USP37: variants seen among roughly 807,000 people sequenced by gnomAD.
The protein encoded by USP37 is ubiquitin carboxyl-terminal hydrolase 37.
USP37 carries 27 observed loss-of-function variants against 124.0 expected under a neutral mutation model. The observed-to-expected ratio is 0.22, with a 90% CI of 0.16 to 0.30. USP37 has a LOEUF of 0.30. Ranked by LOEUF, USP37 falls within the 10% of genes least tolerant of loss-of-function variation. The pLI, the probability that USP37 is intolerant of heterozygous loss-of-function variation, is 1.00. For missense variants in USP37, 889 were observed against 1,140.4 expected, an observed-to-expected ratio of 0.78 and a Z score of 3.17; for synonymous variants, 365 against 388.0, an observed-to-expected ratio of 0.94 and a Z score of 0.70.
intron 20 of USP37, among the ~76,000 whole-genome samples, chr2:218,472,464 C>T (rs1690746139): frequency 6.6e-6 from 1 of 151,740 alleles, no homozygotes; most frequent in South Asian, 2.1e-4. Context: ...CTGAATCTCT[C>T]TCTCTTTTTT....
intron 4 of USP37, among the ~76,000 whole-genome samples, chr2:218,557,555 C>T (rs983849888): frequency 6.6e-6 from 1 of 151,242 alleles, no homozygotes; most frequent in Non-Finnish European, 1.5e-5. Flanking sequence ...AGATCAGGTT[C>T]TGAAGCATAA....
chr2:218,557,290 A>G (rs192743809), intron 4 of USP37, among the ~76,000 whole-genome samples: 74 of 152,314 alleles, frequency 4.9e-4, no homozygotes, highest in Non-Finnish European at 8.4e-4. Flanking sequence ...TCATGCTCCT[A>G]AAGATCTGTA....
At chr2:218,497,929 A>G (rs1042552171) in intron 12 of USP37, 72 bp from the exon 13 acceptor site, 2 of 1,576,448 alleles carry the variant, frequency 1.3e-6, no homozygotes, top group East Asian at 4.5e-5. Flanking sequence ...AATAATTACT[A>G]ATAATGGCAC....
chr2:218,513,239 C>A (rs962128780), intron 10 of USP37, among the ~76,000 whole-genome samples: 8 of 151,970 alleles, frequency 5.3e-5, no homozygotes, highest in African/African-American at 1.9e-4. Flanking sequence ...GCTATGTTGA[C>A]CAGTTGGTCT....
intron 8 of USP37, among the ~76,000 whole-genome samples, chr2:218,537,583 T>A (rs578242843): frequency 6.6e-6 from 1 of 152,336 alleles, no homozygotes; most frequent in African/African-American, 2.4e-5. Flanking sequence ...CAAAAATGAA[T>A]AGTTACTATT....
intron 14 of USP37, among the ~76,000 whole-genome samples, chr2:218,491,694 A>G (rs1041952083): frequency 3.9e-5 from 6 of 152,226 alleles, no homozygotes; most frequent in African/African-American, 1.4e-4. Context: ...ACCTCCTCTC[A>G]TGAAGCCATC....
chr2:218,527,205 C>G (rs1319489407), intron 10 of USP37, among the ~76,000 whole-genome samples: 2 of 152,164 alleles, frequency 1.3e-5, no homozygotes, highest in Admixed American at 1.3e-4. Flanking sequence ...GGTCATAATT[C>G]TGGCCCCATG....
chr2:218,564,651 TGG>T (rs906641096), intron 1 of USP37, among the ~76,000 whole-genome samples: 1 of 151,882 alleles, frequency 6.6e-6, no homozygotes, highest in African/African-American at 2.4e-5. Context: ...AAGGTGGGAG[TGG>T]GGGGTAGAGG....
chr2:218,529,939 A>AT lies in USP37; in HGVS notation c.863+16dup. The AT allele has an allele frequency of 1.9e-6, 3 of 1,581,544 alleles. No individual in the cohort carries two copies. Among genetic ancestry groups the AT allele is most frequent in the Non-Finnish European group, 2.6e-6 (3 of 1,167,290 alleles). ...AGAACTCCTAAGTTTTTCACAAGTA[A>AT]TATAACCAATGCATACCTGTCTAAG... On this transcript the variant is annotated intron_variant, in intron 10 of 25. Coordinates refer to ENST00000258399, the MANE Select transcript of USP37 (RefSeq NM_020935.3).
intron 11 of USP37, among the ~76,000 whole-genome samples, chr2:218,502,854 A>C (rs1277742741): frequency 6.6e-6 from 1 of 152,206 alleles, no homozygotes; most frequent in African/African-American, 2.4e-5. Context: ...ACTATTTTTC[A>C]AATATCCAAG....
At chr2:218,482,638 C>G (rs1411743890) in intron 16 of USP37, among the ~76,000 whole-genome samples, 1 of 152,124 alleles carries the variant, frequency 6.6e-6, no homozygotes, top group Non-Finnish European at 1.5e-5. Flanking sequence ...TGTTACATAG[C>G]TCTTATATTT....
intron 10 of USP37, among the ~76,000 whole-genome samples, chr2:218,514,775 T>C (rs1357121898): frequency 1.3e-5 from 2 of 152,258 alleles, no homozygotes; most frequent in African/African-American, 4.8e-5. Flanking sequence ...ATTAAGGTAA[T>C]ATTTTATTCC....
At position 218,453,155 on chromosome 2, in the gene USP37, A is replaced by C. The variant is rs533511216; in HGVS notation, c.*1775T>G. ...ATGAAAACTTAGAATAGTTTACTAC[A>C]TTAGAATACATCCAAGTTCCAAGAG... is the stretch of plus-strand genomic sequence containing the variant. On this transcript the variant is annotated 3_prime_UTR_variant, in exon 26 of 26. Transcript: ENST00000258399. The C allele has an allele frequency of 5.9e-5, 9 of 152,204 alleles. No homozygotes were observed. Among genetic ancestry groups the C allele is most frequent in the African/African-American group, 2.2e-4 (9 of 41,452 alleles). 9.4% of individuals were successfully genotyped at this position (152,204 alleles called of 1,614,324 possible). A position where few individuals can be genotyped will look rare whatever the true frequency, so the allele number is the denominator to read the frequency against.
Position 218,466,070 on chromosome 2 carries a change from C to T in USP37, c.2406G>A (p.Met802Ile). ...GEVDWLQQYD[M>I]EREREEQELQ... ...GCTCTTGCTCTTCCCTTTCACGCTC[C>T]ATATCATACTGCTGGAGCCAATCAA... The change falls in exon 21 of 26, where the codon ATG (methionine) becomes ATA (isoleucine). Residue 802 changes from methionine (M) to isoleucine (I), a missense_variant. This residue lies in a region of USP37 where 504 missense variants were observed against 714.3 expected (regional missense o/e 0.71). Transcript: ENST00000258399. 6.2e-7 allele frequency: 1 copy of T among 1,613,842 alleles called. No individual in the cohort carries two copies. Among genetic ancestry groups the T allele is most frequent in the South Asian group, 1.1e-5 (1 of 90,976 alleles).
At chr2:218,502,118 G>A (rs1037038014) in intron 11 of USP37, among the ~76,000 whole-genome samples, 6 of 151,046 alleles carry the variant, frequency 4.0e-5, no homozygotes, top group African/African-American at 1.5e-4. Context: ...AGCTGAGAAA[G>A]AAGAAAAAAA....
intron 4 of USP37, among the ~76,000 whole-genome samples, chr2:218,557,411 CA>C (rs1488967570): frequency 6.6e-6 from 1 of 151,942 alleles, no homozygotes; most frequent in Non-Finnish European, 1.5e-5. Flanking sequence ...GAACAATTAG[CA>C]GATATATGCA....
intron 21 of USP37, among the ~76,000 whole-genome samples, chr2:218,465,075 T>G (rs182782779): frequency 2.7e-4 from 41 of 152,152 alleles, no homozygotes; most frequent in African/African-American, 9.6e-4. Flanking sequence ...CAAGACCCTA[T>G]CTCAATAAAT....
At chr2:218,538,416 T>C (rs1022636880) in intron 8 of USP37, among the ~76,000 whole-genome samples, 1 of 152,170 alleles carries the variant, frequency 6.6e-6, no homozygotes, top group Non-Finnish European at 1.5e-5. Flanking sequence ...GACAGACTTA[T>C]GGGAGTATGT....
chr2:218,537,936 T>C (rs1691747251), intron 8 of USP37, among the ~76,000 whole-genome samples: 1 of 152,192 alleles, frequency 6.6e-6, no homozygotes, highest in South Asian at 2.1e-4. Flanking sequence ...ATCAAGGGAC[T>C]GTGCAACCAG....
Sources: gnomAD v4.1 joint callset for allele counts (sites outside exome capture counted in the v4.1 genomes callset) on GRCh38, gnomAD v4.1.1 for gene constraint, gnomAD v4.1.1 regional missense constraint, MANE v1.5 for transcripts, NCBI Gene and HGNC (gene_info 2026-07-23, HGNC 2026-07-21) for gene names.